SLC7A1: variants seen among roughly 807,000 people sequenced by gnomAD.
SLC7A1 encodes the protein high affinity cationic amino acid transporter 1.
A neutral mutation model predicts 53.9 loss-of-function variants in SLC7A1; 10 were observed. The ratio of observed to expected loss-of-function variants is 0.19; its 90% confidence interval spans 0.11 to 0.31. SLC7A1 has a LOEUF of 0.31. Ranked by LOEUF, SLC7A1 falls within the 10% of genes least tolerant of loss-of-function variation. SLC7A1 has a pLI of 1.00. For missense variants in SLC7A1, 525 were observed against 827.2 expected, an observed-to-expected ratio of 0.63 and a Z score of 4.48; for synonymous variants, 342 against 338.7, an observed-to-expected ratio of 1.01 and a Z score of -0.11.
intron 1 of SLC7A1, among the ~76,000 whole-genome samples, chr13:29,580,380 C>CT (rs939948704): frequency 1.3e-5 from 2 of 152,020 alleles, no homozygotes; most frequent in African/African-American, 4.8e-5. Flanking sequence ...CGTGCTTCCT[C>CT]TCTGCTTTTC....
At chr13:29,552,808 G>A (rs1870257900) in intron 2 of SLC7A1, among the ~76,000 whole-genome samples, 1 of 151,950 alleles carries the variant, frequency 6.6e-6, no homozygotes, top group Admixed American at 6.5e-5. Flanking sequence ...AGCTCTGAAG[G>A]CCGTCAGCCC....
intron 1 of SLC7A1, among the ~76,000 whole-genome samples, chr13:29,567,876 A>G (rs1871036946): frequency 6.6e-6 from 1 of 152,040 alleles, no homozygotes; most frequent in African/African-American, 2.4e-5. Context: ...CTGGGCCTAA[A>G]TCACTAGCTG....
At chr13:29,551,118 G>A (rs74042332) in intron 2 of SLC7A1, among the ~76,000 whole-genome samples, 1,797 of 152,228 alleles carry the variant, frequency 0.012, 38 homozygotes, top group African/African-American at 0.041. Context: ...GGCCATGGTC[G>A]TAGGAAGTTA....
chr13:29,588,426 G>A (rs749678895), intron 1 of SLC7A1, among the ~76,000 whole-genome samples: 2 of 152,036 alleles, frequency 1.3e-5, no homozygotes, highest in Non-Finnish European at 2.9e-5. Context: ...ATAGAAGGAG[G>A]CAAAACATAA....
At position 29,514,256 on chromosome 13, in the gene SLC7A1, G is replaced by C; in HGVS notation, c.*224C>G. The C allele has an allele frequency of 2.1e-5, 12 of 560,338 alleles. No homozygotes were observed. The highest frequency in any genetic ancestry group is 2.2e-5 in the Non-Finnish European group (7 of 311,886). 34.7% of individuals were successfully genotyped at this position (560,338 alleles called of 1,614,324 possible). A position where few individuals can be genotyped will look rare whatever the true frequency, so the allele number is the denominator to read the frequency against. ...AGACACAGTGGCCAGCCGCAGCCTA[G>C]TGGCCCCGGCCAGGCAGCTGTCTGG... On this transcript the variant is annotated 3_prime_UTR_variant, in exon 13 of 13. Transcript: ENST00000380752.
In SLC7A1 at chr13:29,536,171, C is replaced by T; in HGVS notation, c.18G>A (p.Leu6=). The T allele has an allele frequency of 6.2e-7, 1 of 1,613,414 alleles. No homozygotes were observed. The highest frequency in any genetic ancestry group is 1.3e-5 in the African/African-American group (1 of 75,050). The change falls in exon 3 of 13, where the codon CTG becomes CTA. Residue 6 remains leucine, a synonymous_variant. Transcript: ENST00000380752. ...GCAGCATCTGCTGCCCAATGTTGAG[C>T]AGGACTTTGCACCCCATGTTGCTGT... MGCKV[L]LNIGQQMLRR...
intron 1 of SLC7A1, among the ~76,000 whole-genome samples, chr13:29,563,491 G>A (rs1870846801): frequency 6.6e-6 from 1 of 152,190 alleles, no homozygotes; most frequent in Admixed American, 6.5e-5. Context: ...GAACACCCTC[G>A]ATGTCCCTGA....
intron 1 of SLC7A1, among the ~76,000 whole-genome samples, chr13:29,574,643 CTTT>C (rs60597221): frequency 2.3e-4 from 28 of 121,898 alleles, no homozygotes; most frequent in African/African-American, 7.9e-4. Flanking sequence ...GCAGCTAATG[CTTT>C]TTTTTTTTTT....
At chr13:29,528,790 C>T (rs1869015604) in intron 5 of SLC7A1, among the ~76,000 whole-genome samples, 1 of 152,168 alleles carries the variant, frequency 6.6e-6, no homozygotes, top group African/African-American at 2.4e-5. Context: ...GCTAAGGGGG[C>T]CCCACCTATG....
At chr13:29,559,957 C>T (rs1364887433) in intron 1 of SLC7A1, among the ~76,000 whole-genome samples, 2 of 152,084 alleles carry the variant, frequency 1.3e-5, no homozygotes, top group African/African-American at 4.8e-5. Context: ...CCTTGTGATC[C>T]GCCCGCCTCG....
intron 1 of SLC7A1, among the ~76,000 whole-genome samples, chr13:29,587,947 C>T (rs1193199182): frequency 3.3e-5 from 5 of 152,236 alleles, no homozygotes; most frequent in African/African-American, 1.2e-4. Context: ...AGTCTTTCCA[C>T]CACCTTTCTG....
chr13:29,583,424 T>G (rs2139186501), intron 1 of SLC7A1, among the ~76,000 whole-genome samples: 1 of 152,316 alleles, frequency 6.6e-6, no homozygotes. Context: ...GCAGGACACT[T>G]TGCTGGAAAG....
chr13:29,571,010 T>C (rs1215284080), intron 1 of SLC7A1, among the ~76,000 whole-genome samples: 11 of 152,352 alleles, frequency 7.2e-5, no homozygotes. Context: ...TATATTACTA[T>C]TATTAGTTTC....
intron 2 of SLC7A1, among the ~76,000 whole-genome samples, chr13:29,542,838 G>A (rs1460807293): frequency 6.6e-6 from 1 of 151,984 alleles, no homozygotes; most frequent in East Asian, 1.9e-4. Flanking sequence ...CTTGTGCAGT[G>A]AGCGGCAGAG....
chr13:29,550,632 G>C (rs755054365), intron 2 of SLC7A1, among the ~76,000 whole-genome samples: 13 of 152,180 alleles, frequency 8.5e-5, no homozygotes, highest in Non-Finnish European at 1.9e-4. Flanking sequence ...ACTAGAGAAC[G>C]TGAATTCAGC....
chr13:29,520,841 G>A (rs567028313), intron 8 of SLC7A1, among the ~76,000 whole-genome samples: 18 of 152,356 alleles, frequency 1.2e-4, no homozygotes, highest in Admixed American at 6.5e-5. Flanking sequence ...CACAAATGCC[G>A]ATGTTCCTAC....
intron 7 of SLC7A1, among the ~76,000 whole-genome samples, chr13:29,522,718 C>T (rs1159503525): frequency 2.6e-5 from 4 of 152,228 alleles, no homozygotes; most frequent in Admixed American, 6.5e-5. Context: ...AGACCCAGTA[C>T]AGTCTTTACA....
intron 2 of SLC7A1, among the ~76,000 whole-genome samples, chr13:29,552,967 T>A (rs1383578228): frequency 2.0e-5 from 3 of 152,188 alleles, no homozygotes; most frequent in Non-Finnish European, 4.4e-5. Context: ...AAAATGAAGC[T>A]ACTCATATTT....
At chr13:29,592,052 A>T (rs908280313) in intron 1 of SLC7A1, among the ~76,000 whole-genome samples, 5 of 152,184 alleles carry the variant, frequency 3.3e-5, no homozygotes, top group African/African-American at 1.2e-4. Context: ...AGTCTAAATT[A>T]CTTCAGAGAG....
Sources: allele counts gnomAD v4.1 joint callset (sites outside exome capture counted in the v4.1 genomes callset), GRCh38; gene constraint gnomAD v4.1.1; transcripts MANE v1.5; gene names NCBI Gene and HGNC (gene_info 2026-07-23, HGNC 2026-07-21).